Variants in SLC16A7 observed in about 807,000 individuals in gnomAD.
The protein encoded by SLC16A7 is monocarboxylate transporter 2.
SLC16A7 carries 33 observed loss-of-function variants against 34.9 expected under a neutral mutation model. That is an observed-to-expected ratio of 0.94 (90% CI 0.72 to 1.26). The LOEUF (loss-of-function observed/expected upper bound fraction) is 1.26. SLC16A7 is among the 50% of genes most tolerant of loss of function. The pLI, the probability that SLC16A7 is intolerant of heterozygous loss-of-function variation, is 0.00. For synonymous variants in SLC16A7, 201 were observed against 206.6 expected, an observed-to-expected ratio of 0.97 and a Z score of 0.23; for missense variants, 573 against 578.1, an observed-to-expected ratio of 0.99 and a Z score of 0.09.
At position 59,775,617 on chromosome 12, in the gene SLC16A7, T is replaced by C. The variant is rs1882687312; in HGVS notation, c.1180+142T>C. On this transcript the variant is annotated intron_variant, in intron 5 of 5. Coordinates refer to ENST00000547379, the MANE Select transcript of SLC16A7 (RefSeq NM_001270623.2). Reference sequence around the variant, plus strand: ...ATGGGCAGGTTAATTTTAGGTTTTATTATAAACTTTAAAATTTCATAATTA... The same window carrying C: ...ATGGGCAGGTTAATTTTAGGTTTTACTATAAACTTTAAAATTTCATAATTA... 3 of 639,040 alleles carry C rather than the reference T, an allele frequency of 4.7e-6. No homozygotes were observed. In the Admixed American group the frequency reaches 9.7e-5, roughly 21 times the overall value. 39.6% of individuals were successfully genotyped at this position (639,040 alleles called of 1,614,324 possible). A position where few individuals can be genotyped will look rare whatever the true frequency, so the allele number is the denominator to read the frequency against.
chr12:59,760,747 A>G (rs1880926935), intron 3 of SLC16A7, among the ~76,000 whole-genome samples: 1 of 152,088 alleles, frequency 6.6e-6, no homozygotes, highest in Non-Finnish European at 1.5e-5. Flanking sequence ...AGGTTGAAGC[A>G]GGACAACACG....
intron 3 of SLC16A7, among the ~76,000 whole-genome samples, chr12:59,758,625 G>A (rs913693387): frequency 1.3e-5 from 2 of 152,074 alleles, no homozygotes; most frequent in African/African-American, 4.8e-5. Context: ...GAATCATAAT[G>A]ATTACCAGTT....
rs1468438585 is a variant in SLC16A7, at chr12:59,774,738, G to C, written c.443G>C (p.Gly148Ala). The change falls in exon 5 of 6, where the codon GGA (glycine) becomes GCA (alanine). Residue 148 changes from glycine (G) to alanine (A), a missense_variant. Physicochemically the swap from Gly to Ala is moderately conservative, Grantham distance 60 (BLOSUM62 0). Coordinates refer to ENST00000547379, the MANE Select transcript of SLC16A7 (RefSeq NM_001270623.2). ...YFYRKRPMAN[G>A]LAMAGSPVFL... ...TATAGGAAGCGACCCATGGCAAATG[G>C]ATTGGCCATGGCAGGAAGTCCTGTT... 1 of 1,613,164 alleles carries C rather than the reference G, an allele frequency of 6.2e-7. No homozygotes were observed. The highest frequency in any genetic ancestry group is 1.7e-5 in the Admixed American group (1 of 59,938).
At chr12:59,746,554 G>A (rs1020603306) in intron 3 of SLC16A7, among the ~76,000 whole-genome samples, 6 of 152,114 alleles carry the variant, frequency 3.9e-5, no homozygotes, top group African/African-American at 1.2e-4. Context: ...CACATTTAAC[G>A]TTGAGCTGAG....
At chr12:59,658,379 G>A (rs1196105447) in intron 2 of SLC16A7, among the ~76,000 whole-genome samples, 1 of 151,984 alleles carries the variant, frequency 6.6e-6, no homozygotes, top group East Asian at 1.9e-4. Flanking sequence ...ATGGATCTTT[G>A]GGTAGCCTTG....
intron 1 of SLC16A7, among the ~76,000 whole-genome samples, chr12:59,649,251 G>A (rs1025439759): frequency 6.6e-6 from 1 of 152,144 alleles, no homozygotes; most frequent in African/African-American, 2.4e-5. Flanking sequence ...ACAAGGTTGA[G>A]AAGGACATCA....
intron 3 of SLC16A7, among the ~76,000 whole-genome samples, chr12:59,760,159 T>C (rs1880852145): frequency 6.6e-6 from 1 of 152,086 alleles, no homozygotes; most frequent in South Asian, 2.1e-4. Flanking sequence ...GAGACTTTTA[T>C]GTAGAGTGCA....
intron 2 of SLC16A7, among the ~76,000 whole-genome samples, chr12:59,677,723 A>C (rs1239354852): frequency 2.6e-5 from 4 of 152,230 alleles, no homozygotes; most frequent in African/African-American, 4.8e-5. Context: ...AATGCAAACT[A>C]GCCAAATCAT....
intron 2 of SLC16A7, among the ~76,000 whole-genome samples, chr12:59,699,183 G>A (rs1222402600): frequency 6.6e-6 from 1 of 151,440 alleles, no homozygotes; most frequent in Non-Finnish European, 1.5e-5. Flanking sequence ...ATCTTTAAGT[G>A]AAAATTTATT....
At chr12:59,667,403 C>CAGTGAT (rs1157116335) in intron 2 of SLC16A7, among the ~76,000 whole-genome samples, 1 of 152,118 alleles carries the variant, frequency 6.6e-6, no homozygotes, top group Non-Finnish European at 1.5e-5. Flanking sequence ...AAAATGCTGA[C>CAGTGAT]AGTGATATAG....
chr12:59,690,389 T>A (rs1435026954), intron 2 of SLC16A7, among the ~76,000 whole-genome samples: 2 of 152,008 alleles, frequency 1.3e-5, no homozygotes, highest in African/African-American at 4.8e-5. Flanking sequence ...TAAGTGCAGA[T>A]TAACAAGAGA....
intron 2 of SLC16A7, among the ~76,000 whole-genome samples, chr12:59,661,485 A>G (rs1868848007): frequency 6.6e-6 from 1 of 152,142 alleles, no homozygotes; most frequent in South Asian, 2.1e-4. Context: ...GCGGGGAGCT[A>G]AGTGGAACCC....
intron 3 of SLC16A7, among the ~76,000 whole-genome samples, chr12:59,730,338 T>G (rs1456039134): frequency 8.0e-6 from 1 of 125,646 alleles, no homozygotes; most frequent in African/African-American, 3.4e-5. Context: ...AGGGTATGCT[T>G]CCTAAAATTA....
chr12:59,720,163 A>G (rs919944266), intron 3 of SLC16A7: 2 of 678,846 alleles, frequency 2.9e-6, no homozygotes, highest in South Asian at 3.2e-5. Flanking sequence ...CACAATTGGA[A>G]AGATAATAAA....
At chr12:59,776,336 A>C (rs1882755464) in intron 5 of SLC16A7, among the ~76,000 whole-genome samples, 1 of 152,204 alleles carries the variant, frequency 6.6e-6, no homozygotes, top group South Asian at 2.1e-4. Flanking sequence ...TTAGAAGTAA[A>C]TTATGCCTTC....
Position 59,788,400 on chromosome 12 carries a change from A to G in SLC16A7, c.*8721A>G, listed in dbSNP as rs192067047. On this transcript the variant is annotated 3_prime_UTR_variant, in exon 6 of 6. Coordinates refer to ENST00000547379, the MANE Select transcript of SLC16A7 (RefSeq NM_001270623.2). ...AATGTAGTTGTCTTGTTTATTCTATAGATATCTTAATGACCACTGAACAAA... is the reference window on the plus strand; with the variant it reads ...AATGTAGTTGTCTTGTTTATTCTATGGATATCTTAATGACCACTGAACAAA... The G allele has an allele frequency of 6.6e-6, 1 of 152,188 alleles. No homozygotes were observed. Among genetic ancestry groups the G allele is most frequent in the African/African-American group, 2.4e-5 (1 of 41,572 alleles). The allele number at this position is 152,188 out of a possible 1,614,324, so 9.4% of individuals were successfully genotyped here.
chr12:59,738,782 G>A (rs1400981176), intron 3 of SLC16A7, among the ~76,000 whole-genome samples: 1 of 151,454 alleles, frequency 6.6e-6, no homozygotes, highest in Non-Finnish European at 1.5e-5. Flanking sequence ...AATCTCTTGA[G>A]GATACTGATC....
At chr12:59,626,826 T>A (rs1173479785) in intron 1 of SLC16A7, among the ~76,000 whole-genome samples, 1 of 151,814 alleles carries the variant, frequency 6.6e-6, no homozygotes, top group Non-Finnish European at 1.5e-5. Flanking sequence ...ACATATAGAT[T>A]GTGACCAGGA....
intron 3 of SLC16A7, among the ~76,000 whole-genome samples, chr12:59,727,170 A>ATAT (rs1555174538): frequency 4.2e-5 from 6 of 144,378 alleles, no homozygotes; most frequent in African/African-American, 1.6e-4. Context: ...ATATATATAT[A>ATAT]ATATATATAT....
Sources: allele counts gnomAD v4.1 joint callset (sites outside exome capture counted in the v4.1 genomes callset), GRCh38; gene constraint gnomAD v4.1.1; transcripts MANE v1.5; gene names NCBI Gene and HGNC (gene_info 2026-07-23, HGNC 2026-07-21).